Variants in DYRK1A observed in about 807,000 individuals in gnomAD.
DYRK1A encodes dual specificity tyrosine phosphorylation regulated kinase 1A.
A neutral mutation model predicts 79.7 loss-of-function variants in DYRK1A; 9 were observed. The observed-to-expected ratio is 0.11, with a 90% confidence interval of 0.07 to 0.20. The LOEUF (loss-of-function observed/expected upper bound fraction) is 0.20. Among genes scored for constraint, DYRK1A ranks in the 10% least tolerant of loss-of-function variants. The pLI is 1.00. For synonymous variants in DYRK1A, 349 were observed against 329.7 expected (o/e 1.06, Z -0.63); for missense variants, 622 against 956.0 (o/e 0.65, Z 4.61).
intron 2 of DYRK1A, among the ~76,000 whole-genome samples, chr21:37,470,411 C>T (rs970162747): frequency 6.6e-6 from 1 of 152,030 alleles, no homozygotes; most frequent in African/African-American, 2.4e-5. Context: ...ATAATAAAAA[C>T]AGAAGCTAAC....
intron 2 of DYRK1A, among the ~76,000 whole-genome samples, chr21:37,437,336 G>A (rs963229040): frequency 2.1e-4 from 32 of 152,100 alleles, no homozygotes; most frequent in Admixed American, 6.6e-5. Context: ...AATTTCAAGG[G>A]GTTTTTGAGT....
At position 37,525,026 on chromosome 21, in the gene DYRK1A, G is replaced by C. The variant is rs892674532; in HGVS notation, c.*12495G>C. On this transcript the variant is annotated 3_prime_UTR_variant, in exon 12 of 12. Transcript: ENST00000647188. ...AGGCAGGAGAATCGCTTGAACCCAGGAGGTGGAGGTTGCAGTGAGCTGAGA... is the reference window on the plus strand; with the variant it reads ...AGGCAGGAGAATCGCTTGAACCCAGCAGGTGGAGGTTGCAGTGAGCTGAGA... The C allele has an allele frequency of 6.6e-6, 1 of 152,332 alleles. No homozygotes were observed. Among genetic ancestry groups the C allele is most frequent in the Non-Finnish European group, 1.5e-5 (1 of 68,120 alleles). The allele number at this position is 152,332 out of a possible 1,614,324, so 9.4% of individuals were successfully genotyped here.
In DYRK1A at chr21:37,517,050, A is replaced by T. The variant is rs2053888103; in HGVS notation, c.*4519A>T. 6.6e-6 allele frequency: 1 copy of T among 152,192 alleles called. No homozygotes were observed. Among genetic ancestry groups the T allele is most frequent in the African/African-American group, 2.4e-5 (1 of 41,444 alleles). The allele number at this position is 152,192 out of a possible 1,614,324, so 9.4% of individuals were successfully genotyped here. ...TTCAGTTGAATTTCCTGTCATCCCC[A>T]GCAAAACCTGTGAATCCTTCTTCAA... On this transcript the variant is annotated 3_prime_UTR_variant, in exon 12 of 12. Coordinates refer to ENST00000647188, the MANE Select transcript of DYRK1A (RefSeq NM_001347721.2).
At chr21:37,465,279 A>G (rs962754711) in intron 2 of DYRK1A, among the ~76,000 whole-genome samples, 7 of 152,192 alleles carry the variant, frequency 4.6e-5, no homozygotes, top group Non-Finnish European at 1.0e-4. Context: ...AGCAAATTCC[A>G]AAAAGAACAT....
intron 1 of DYRK1A, among the ~76,000 whole-genome samples, chr21:37,373,846 G>A (rs1161819868): frequency 1.3e-5 from 2 of 152,184 alleles, no homozygotes; most frequent in African/African-American, 4.8e-5. Context: ...GAGAATGGGG[G>A]ATGATTAAAC....
intron 2 of DYRK1A, among the ~76,000 whole-genome samples, chr21:37,424,496 A>G (rs2050564249): frequency 6.6e-6 from 1 of 152,076 alleles, no homozygotes; most frequent in African/African-American, 2.4e-5. Context: ...GTCATTTTGA[A>G]TATTCAGGAT....
intron 2 of DYRK1A, among the ~76,000 whole-genome samples, chr21:37,464,089 TGGGTTATGTATCAG>T (rs2051943200): frequency 6.6e-6 from 1 of 152,190 alleles, no homozygotes; most frequent in East Asian, 1.9e-4. Context: ...GAGCTACGTG[TGGGTTATGTATCAG>T]AGATGATGGC....
At chr21:37,492,984 A>T (rs368113289) in intron 7 of DYRK1A, 33 bp from the exon 8 acceptor site, 1 of 1,541,102 alleles carries the variant, frequency 6.5e-7, no homozygotes, top group African/African-American at 1.4e-5. Flanking sequence ...GTTTTAAGCA[A>T]TTGAAGTAAT....
At chr21:37,376,731 C>T (rs998393287) in intron 1 of DYRK1A, among the ~76,000 whole-genome samples, 1 of 151,824 alleles carries the variant, frequency 6.6e-6, no homozygotes, top group African/African-American at 2.4e-5. Context: ...TTTGTTAGGG[C>T]CCGTATTTGA....
chr21:37,383,377 G>C (rs1315095565), intron 1 of DYRK1A, among the ~76,000 whole-genome samples: 1 of 152,156 alleles, frequency 6.6e-6, no homozygotes, highest in African/African-American at 2.4e-5. Context: ...TTTCCAGCCT[G>C]GTCCCCATGG....
chr21:37,434,945 G>C (rs1182238917), intron 2 of DYRK1A, among the ~76,000 whole-genome samples: 1 of 152,196 alleles, frequency 6.6e-6, no homozygotes, highest in East Asian at 1.9e-4. Context: ...GAAAAAAGTT[G>C]AAATGTTGAT....
rs2053892453 is a variant in DYRK1A, at chr21:37,517,447, G to A, written c.*4916G>A. The A allele has an allele frequency of 6.6e-6, 1 of 152,142 alleles. No individual in the cohort carries two copies. Among genetic ancestry groups the A allele is most frequent in the African/African-American group, 2.4e-5 (1 of 41,412 alleles). 9.4% of individuals were successfully genotyped at this position (152,142 alleles called of 1,614,324 possible). A position where few individuals can be genotyped will look rare whatever the true frequency, so the allele number is the denominator to read the frequency against. ...TCTTCCCGATTAAATTTCTAAAATTGCTACTTTGGGAATTTTTTTCTTTAT... is the reference window on the plus strand; with the variant it reads ...TCTTCCCGATTAAATTTCTAAAATTACTACTTTGGGAATTTTTTTCTTTAT... On this transcript the variant is annotated 3_prime_UTR_variant, in exon 12 of 12. Transcript: ENST00000647188.
chr21:37,517,539 A>C lies in DYRK1A; in HGVS notation c.*5008A>C, dbSNP rs897333453. 6.6e-6 allele frequency: 1 copy of C among 152,184 alleles called. No individual in the cohort carries two copies. The highest frequency in any genetic ancestry group is 1.5e-5 in the Non-Finnish European group (1 of 68,050). 9.4% of individuals were successfully genotyped at this position (152,184 alleles called of 1,614,324 possible). ...CAGTGTACTTGCCCCTGAATTCCATATCTGAAACTGCAGTCACGGGAGATT... is the reference window on the plus strand; with the variant it reads ...CAGTGTACTTGCCCCTGAATTCCATCTCTGAAACTGCAGTCACGGGAGATT... On this transcript the variant is annotated 3_prime_UTR_variant, in exon 12 of 12. Transcript: ENST00000647188.
At chr21:37,428,999 G>T (rs549534987) in intron 2 of DYRK1A, 9 of 152,188 alleles carry the variant, frequency 5.9e-5, no homozygotes, top group Non-Finnish European at 8.8e-5. Flanking sequence ...GCTACTTAAT[G>T]GTGCCTTCTT....
chr21:37,458,094 G>C (rs2051713053), intron 2 of DYRK1A, among the ~76,000 whole-genome samples: 1 of 152,198 alleles, frequency 6.6e-6, no homozygotes, highest in African/African-American at 2.4e-5. Flanking sequence ...CAGCTAAGCA[G>C]GCACCTTTCA....
At chr21:37,496,862 T>C (rs2053285484) in intron 9 of DYRK1A, among the ~76,000 whole-genome samples, 1 of 152,192 alleles carries the variant, frequency 6.6e-6, no homozygotes, top group Non-Finnish European at 1.5e-5. Flanking sequence ...TAATTTTCTT[T>C]TATCTGAGGA....
intron 2 of DYRK1A, among the ~76,000 whole-genome samples, chr21:37,443,168 G>C (rs1329839899): frequency 6.6e-6 from 1 of 151,860 alleles, no homozygotes; most frequent in Non-Finnish European, 1.5e-5. Flanking sequence ...CTTTCTTTTA[G>C]AGACAGGGTC....
intron 1 of DYRK1A, among the ~76,000 whole-genome samples, chr21:37,373,155 A>T (rs917530569): frequency 1.3e-5 from 2 of 151,028 alleles, no homozygotes; most frequent in Admixed American, 1.3e-4. Flanking sequence ...ATCTTGGGCA[A>T]AACAGCTTCT....
At chr21:37,456,137 T>A (rs2835754) in intron 2 of DYRK1A, 2 of 151,960 alleles carry the variant, frequency 1.3e-5, no homozygotes, top group Non-Finnish European at 2.9e-5. Flanking sequence ...CAGCCAAATA[T>A]GAGGTGACGT....
Sources: allele counts gnomAD v4.1 joint callset (sites outside exome capture counted in the v4.1 genomes callset), GRCh38; gene constraint gnomAD v4.1.1; transcripts MANE v1.5; gene names NCBI Gene and HGNC (gene_info 2026-07-23, HGNC 2026-07-21).